The following NRDC variants were observed in gnomAD, a reference collection of about 807,000 sequenced individuals.
NRDC encodes the protein nardilysin convertase.
In NRDC, 54 loss-of-function variants were observed where a neutral mutation model predicts 147.1. The ratio of observed to expected loss-of-function variants is 0.37; its 90% confidence interval spans 0.29 to 0.46. The LOEUF (loss-of-function observed/expected upper bound fraction) is 0.46, where lower values mean the gene tolerates loss of function less well. Among genes scored for constraint, NRDC ranks in the 20% least tolerant of loss-of-function variants. The probability of loss-of-function intolerance (pLI) is 1.00; values close to 1 mark genes in which losing one functional copy is unlikely to be tolerated. For missense variants in NRDC, 1,082 were observed against 1,370.6 expected (o/e 0.79, Z 3.33); for synonymous variants, 440 against 482.1 (o/e 0.91, Z 1.14).
chr1:51,833,353 G>T (rs933656692), intron 4 of NRDC, among the ~76,000 whole-genome samples: 52 of 151,496 alleles, frequency 3.4e-4, no homozygotes, highest in African/African-American at 1.1e-3. Context: ...GGGAGGCTGA[G>T]GTTGCACTGA....
At chr1:51,817,249 C>T (rs1171397775) in intron 10 of NRDC, among the ~76,000 whole-genome samples, 4 of 152,282 alleles carry the variant, frequency 2.6e-5, no homozygotes, top group Non-Finnish European at 4.4e-5. Flanking sequence ...CACAGTGGCT[C>T]ATGTCTGTAA....
chr1:51,820,312 T>C (rs776986124), intron 8 of NRDC, among the ~76,000 whole-genome samples: 17 of 152,180 alleles, frequency 1.1e-4, no homozygotes, highest in Non-Finnish European at 1.9e-4. Flanking sequence ...TGGTCCCTCC[T>C]AGGGGCTTCT....
intron 2 of NRDC, 146 bp from the exon 3 acceptor site, chr1:51,836,358 G>A: frequency 6.2e-7 from 1 of 1,612,880 alleles, no homozygotes; most frequent in Non-Finnish European, 8.5e-7. Context: ...GAGCAGCAAA[G>A]TGAAACTCAC....
chr1:51,791,722 G>A, intron 26 of NRDC, 61 bp from the exon 27 acceptor site: 1 of 1,358,590 alleles, frequency 7.4e-7, no homozygotes, highest in Non-Finnish European at 1.1e-6. Flanking sequence ...TGGCCTTGGA[G>A]GCACTAGATA....
At position 51,878,692 on chromosome 1, in the gene NRDC, G is replaced by A. The variant is rs1571937039; in HGVS notation, c.-77C>T. ...CCGCGTTCTAGAGGCGGTGGCGGCCGGCCCTGGTGCTGCCGCAGCCGCGGG... is the reference window on the plus strand; with the variant it reads ...CCGCGTTCTAGAGGCGGTGGCGGCCAGCCCTGGTGCTGCCGCAGCCGCGGG... On this transcript the variant is annotated 5_prime_UTR_variant, in exon 1 of 31. Transcript: ENST00000352171. 3.0e-6 allele frequency: 4 copies of A among 1,334,432 alleles called. No homozygotes were observed. Among genetic ancestry groups the A allele is most frequent in the Non-Finnish European group, 4.1e-6 (4 of 968,012 alleles). The allele number at this position is 1,334,432 out of a possible 1,614,324, so 82.7% of individuals were successfully genotyped here.
intron 2 of NRDC, 119 bp downstream of exon 2, chr1:51,840,107 C>A: frequency 1.3e-6 from 1 of 747,396 alleles, no homozygotes; most frequent in Non-Finnish European, 2.2e-6. Context: ...ACAGAATAGA[C>A]CTTTACTGAA....
At chr1:51,800,712 GA>G in intron 20 of NRDC, 29 bp from the exon 21 acceptor site, 1 of 1,607,506 alleles carries the variant, frequency 6.2e-7, no homozygotes, top group South Asian at 1.1e-5. Flanking sequence ...AGCATTTTAA[GA>G]AGCATGGAAA....
chr1:51,793,878 T>A (rs1379813550), intron 24 of NRDC: 1 of 152,630 alleles, frequency 6.6e-6, no homozygotes, highest in African/African-American at 2.4e-5. Flanking sequence ...GGCTATAGGC[T>A]AGAGCTAACT....
Position 51,791,675 on chromosome 1 carries a change from A to T in NRDC, c.2877-14T>A, listed in dbSNP as rs1292813051. 1.2e-6 allele frequency: 2 copies of T among 1,604,178 alleles called. No individual in the cohort carries two copies. The highest frequency in any genetic ancestry group is 3.3e-5 in the Admixed American group (2 of 60,002). On this transcript the variant is annotated splice_polypyrimidine_tract_variant and intron_variant, in intron 26 of 30. Transcript: ENST00000352171. ...TAGACATGGTACCTACAAGCCAGAG[A>T]GAAAAGTTATATGAGCTCAGGTGAT...
At chr1:51,875,972 A>G (rs1683306485) in intron 1 of NRDC, among the ~76,000 whole-genome samples, 1 of 152,160 alleles carries the variant, frequency 6.6e-6, no homozygotes, top group Admixed American at 6.5e-5. Flanking sequence ...ATTACATTAT[A>G]TTTGACCAAG....
intron 7 of NRDC, among the ~76,000 whole-genome samples, chr1:51,822,964 T>C (rs1032155233): frequency 6.6e-6 from 1 of 152,184 alleles, no homozygotes; most frequent in Non-Finnish European, 1.5e-5. Flanking sequence ...GCATTTCAAA[T>C]AGAAATGTGC....
At chr1:51,814,401 G>A in intron 13 of NRDC, 150 bp downstream of exon 13, 1 of 682,768 alleles carries the variant, frequency 1.5e-6, no homozygotes, top group South Asian at 1.9e-5. Flanking sequence ...ATCACATGTA[G>A]AGGGATAAGG....
chr1:51,807,477 C>T (rs1286541915), intron 17 of NRDC, among the ~76,000 whole-genome samples: 6 of 152,140 alleles, frequency 3.9e-5, no homozygotes, highest in Non-Finnish European at 4.4e-5. Flanking sequence ...AAGGCTGAAG[C>T]AGGAGGATCA....
At chr1:51,810,803 T>C (rs967642041) in intron 15 of NRDC, among the ~76,000 whole-genome samples, 1 of 152,190 alleles carries the variant, frequency 6.6e-6, no homozygotes, top group African/African-American at 2.4e-5. Context: ...ACAGTCAGCT[T>C]TGGGTGATGG....
At chr1:51,853,862 TTC>T (rs1682108602) in intron 1 of NRDC, among the ~76,000 whole-genome samples, 1 of 152,248 alleles carries the variant, frequency 6.6e-6, no homozygotes, top group Non-Finnish European at 1.5e-5. Flanking sequence ...ACTGGTTTTC[TTC>T]TTTCTTTTCT....
intron 1 of NRDC, among the ~76,000 whole-genome samples, chr1:51,876,523 C>T (rs1683336416): frequency 6.6e-6 from 1 of 152,086 alleles, no homozygotes; most frequent in South Asian, 2.1e-4. Flanking sequence ...GCAAAGGTGC[C>T]AAGTGTGGAA....
intron 4 of NRDC, among the ~76,000 whole-genome samples, chr1:51,833,381 T>A (rs907906207): frequency 4.0e-5 from 6 of 151,148 alleles, no homozygotes; most frequent in African/African-American, 1.5e-4. Context: ...ATTCATGCAA[T>A]TGATGGCCAA....
chr1:51,863,031 A>C (rs1204036743), intron 1 of NRDC, among the ~76,000 whole-genome samples: 7 of 150,374 alleles, frequency 4.7e-5, no homozygotes, highest in African/African-American at 7.3e-5. Flanking sequence ...AAAAAAAAAA[A>C]AAAAAAACAA....
Position 51,810,415 on chromosome 1 carries a change from G to T in NRDC, c.1780-11C>A. ...GGCTTCACCAATGACCTAGTAAAGTGGGAAGAGGGGAAAGAGATACACACA... is the reference window on the plus strand; with the variant it reads ...GGCTTCACCAATGACCTAGTAAAGTTGGAAGAGGGGAAAGAGATACACACA... On this transcript the variant is annotated splice_polypyrimidine_tract_variant and intron_variant, in intron 15 of 30. Transcript: ENST00000352171. 6.2e-7 allele frequency: 1 copy of T among 1,606,352 alleles called. No homozygotes were observed. Among genetic ancestry groups the T allele is most frequent in the South Asian group, 1.1e-5 (1 of 89,394 alleles).
Sources: allele counts gnomAD v4.1 joint callset (sites outside exome capture counted in the v4.1 genomes callset), GRCh38; gene constraint gnomAD v4.1.1; transcripts MANE v1.5; gene names NCBI Gene and HGNC (gene_info 2026-07-23, HGNC 2026-07-21).